ASB13: variants seen among roughly 807,000 people sequenced by gnomAD.
ASB13 encodes ankyrin repeat and SOCS box containing 13.
Under a neutral mutation model 28.8 loss-of-function variants are expected in ASB13, and 33 were observed. The ratio of observed to expected loss-of-function variants is 1.15; its 90% confidence interval spans 0.87 to 1.53. The LOEUF (loss-of-function observed/expected upper bound fraction) is 1.53. Ranked by LOEUF, ASB13 falls within the 40% of genes most tolerant of loss-of-function variation. ASB13 has a pLI of 0.00. For synonymous variants in ASB13, 182 were observed against 172.9 expected (o/e 1.05, Z -0.41); for missense variants, 414 against 390.1 (o/e 1.06, Z -0.52).
In ASB13 at chr10:5,651,269, G is replaced by T. The variant is rs1588512959; in HGVS notation, c.326C>A (p.Ala109Asp). 6.2e-7 allele frequency: 1 copy of T among 1,614,086 alleles called. No individual in the cohort carries two copies. The highest frequency in any genetic ancestry group is 8.5e-7 in the Non-Finnish European group (1 of 1,179,996). ...TGTGTACAGGGGAGGGTTGACCTTGGCCCCGTAGGACAGCAAGAGCTTCAC... is the reference window on the plus strand; with the variant it reads ...TGTGTACAGGGGAGGGTTGACCTTGTCCCCGTAGGACAGCAAGAGCTTCAC... ...ECVKLLLSYG[A>D]KVNPPLYTAS... The change falls in exon 3 of 6, where the codon GCC becomes GAC. Residue 109 changes from alanine to aspartate, a missense_variant. Coordinates refer to ENST00000357700, the MANE Select transcript of ASB13 (RefSeq NM_024701.4). This position sits in a 1 kb window ranked among gnomAD's most constrained non-coding sequence, Gnocchi z 5.1.
intron 5 of ASB13, 117 bp from the exon 6 acceptor site, chr10:5,640,947 T>A (rs1257912611): frequency 7.3e-7 from 1 of 1,376,670 alleles, no homozygotes; most frequent in Non-Finnish European, 9.9e-7. Flanking sequence ...GGAACCGGGA[T>A]GTGTCCTGTA....
chr10:5,640,536 A>T lies in ASB13; in HGVS notation c.*167T>A. The T allele has an allele frequency of 1.2e-6, 1 of 869,436 alleles. No individual in the cohort carries two copies. Among genetic ancestry groups the T allele is most frequent in the Non-Finnish European group, 1.7e-6 (1 of 578,434 alleles). The allele number at this position is 869,436 out of a possible 1,614,324, so 53.9% of individuals were successfully genotyped here. On this transcript the variant is annotated 3_prime_UTR_variant, in exon 6 of 6. Coordinates refer to ENST00000357700, the MANE Select transcript of ASB13 (RefSeq NM_024701.4). The stretch of plus-strand genomic sequence containing the variant: ...CAGGCCTTCCCAACACCCTGGAAAC[A>T]TTATCCAGGATCCAGGAGAGAAGCC...
In ASB13 at chr10:5,651,406, C is replaced by T; in HGVS notation, c.232-43G>A. ...CAAGTGTCAAAGGGCAGAGAAATGC[C>T]ACGCAACCCACTTTCCCATCCTGCT... On this transcript the variant is annotated intron_variant, in intron 2 of 5. Coordinates refer to ENST00000357700, the MANE Select transcript of ASB13 (RefSeq NM_024701.4). The surrounding 1 kb of genome is among the most constrained non-coding windows in gnomAD (Gnocchi z 5.1). The T allele has an allele frequency of 6.6e-7, 1 of 1,519,874 alleles. No individual in the cohort carries two copies. Among genetic ancestry groups the T allele is most frequent in the Non-Finnish European group, 8.9e-7 (1 of 1,127,452 alleles). 94.1% of individuals were successfully genotyped at this position (1,519,874 alleles called of 1,614,324 possible).
Position 5,645,060 on chromosome 10 carries a change from C to G in ASB13, c.518-3099G>C, listed in dbSNP as rs973164131. 4.0e-5 allele frequency among the ~76,000 whole-genome samples: 6 copies of G among 151,884 alleles called. No individual in the cohort carries two copies. The highest frequency in any genetic ancestry group is 1.5e-4 in the African/African-American group (6 of 41,346). On this transcript the variant is annotated intron_variant, in intron 4 of 5. Coordinates refer to ENST00000357700, the MANE Select transcript of ASB13 (RefSeq NM_024701.4). The surrounding 1 kb of genome is among the most constrained non-coding windows in gnomAD (Gnocchi z 5.4). ...ACTTCGTGCTTCAGAGAAAAGGGGT[C>G]AACACAGGCTCATTACCAAAATCCT...
Position 5,656,403 on chromosome 10 carries a change from G to A in ASB13, c.44-3353C>T, listed in dbSNP as rs1835077060. Among the ~76,000 whole-genome samples, 1 of 152,152 alleles carries A rather than the reference G, an allele frequency of 6.6e-6. No individual in the cohort carries two copies. Among genetic ancestry groups the A allele is most frequent in the African/African-American group, 2.4e-5 (1 of 41,428 alleles). On this transcript the variant is annotated intron_variant, in intron 1 of 5. Coordinates refer to ENST00000357700, the MANE Select transcript of ASB13 (RefSeq NM_024701.4). This position sits in a 1 kb window ranked among gnomAD's most constrained non-coding sequence, Gnocchi z 4.3. ...AAATACAAAGAATTAGCCGGCCGTG[G>A]TGGCACGTGCCTGTAATCCCAGCTA...
In ASB13 at chr10:5,649,899, C is replaced by G. The variant is rs10905895; in HGVS notation, c.383-795G>C. Among the ~76,000 whole-genome samples, 45,652 of 152,024 alleles carry G rather than the reference C, an allele frequency of 0.3. 7,197 individuals are homozygous for G. Among genetic ancestry groups the G allele is most frequent in the Middle Eastern group, 0.44 (129 of 294 alleles). ...ATTTGGAGCGGGGTTCCAGGCCCCC[C>G]ATCCTCCCGCCCCTGCACATTCCGT... is the stretch of plus-strand genomic sequence containing the variant. On this transcript the variant is annotated intron_variant, in intron 3 of 5. Coordinates refer to ENST00000357700, the MANE Select transcript of ASB13 (RefSeq NM_024701.4). This position sits in a 1 kb window ranked among gnomAD's most constrained non-coding sequence, Gnocchi z 6.4.
chr10:5,648,144 C>T (rs1834915229), intron 4 of ASB13, among the ~76,000 whole-genome samples: 1 of 151,390 alleles, frequency 6.6e-6, no homozygotes, highest in South Asian at 2.1e-4. Flanking sequence ...CTCAGGTAAA[C>T]AACCACGCGG....
In ASB13 at chr10:5,652,966, G is replaced by A. The variant is rs370196470; in HGVS notation, c.128C>T (p.Ala43Val). 5.7e-6 allele frequency: 9 copies of A among 1,567,736 alleles called. No homozygotes were observed. The highest frequency in any genetic ancestry group is 1.3e-5 in the African/African-American group (1 of 74,200). Residue 43 changes from alanine to valine, a missense_variant, in exon 2 of 6, where the codon GCC becomes GTC. By Grantham distance (64) the Ala-to-Val change is moderately conservative. Transcript: ENST00000357700. The surrounding 1 kb of genome is among the most constrained non-coding windows in gnomAD (Gnocchi z 5.0). ...LQLQQLIESG[A>V]CVNQVTVDSI... is the part of the protein sequence containing the mutation. ...GTCCACGGTGACCTGGTTCACGCAG[G>A]CGCCGCTCTCGATCAGCTGTTGCAG...
Position 5,661,588 on chromosome 10 carries a change from A to T in ASB13, c.43+4921T>A, listed in dbSNP as rs1835167162. Among the ~76,000 whole-genome samples, 1 of 151,976 alleles carries T rather than the reference A, an allele frequency of 6.6e-6. No homozygotes were observed. Among genetic ancestry groups the T allele is most frequent in the East Asian group, 1.9e-4 (1 of 5,194 alleles). ...GGGCTCACTGCAGCCTCAACCTCCT[A>T]GGTTCAAGTGATCCTCCCACCTCAG... On this transcript the variant is annotated intron_variant, in intron 1 of 5. Transcript: ENST00000357700. The surrounding 1 kb of genome is among the most constrained non-coding windows in gnomAD (Gnocchi z 4.9).
intron 1 of ASB13, 140 bp from the exon 2 acceptor site, chr10:5,653,190 C>T (rs1835017634): frequency 2.2e-6 from 2 of 929,810 alleles, no homozygotes; most frequent in Non-Finnish European, 3.1e-6. Flanking sequence ...CTACAAAGAT[C>T]CCTGAGCCAC....
In ASB13 at chr10:5,649,067, C is replaced by A. The variant is rs1834942610; in HGVS notation, c.420G>T (p.Gly140=). The stretch of plus-strand genomic sequence containing the variant: ...GGCAATCGTGCGCTTCCAGATTGGC[C>A]CCGACGTCAATAAGAAGCCTCACAC... ...SECVRLLIDV[G]ANLEAHDCHF... Residue 140 remains glycine, a synonymous_variant, in exon 4 of 6, where the codon GGG becomes GGT. Transcript: ENST00000357700. This position sits in a 1 kb window ranked among gnomAD's most constrained non-coding sequence, Gnocchi z 6.4. The A allele has an allele frequency of 6.2e-7, 1 of 1,614,244 alleles. No homozygotes were observed. The highest frequency in any genetic ancestry group is 1.3e-5 in the African/African-American group (1 of 75,068).
rs1294004830 is a variant in ASB13 at position 5,660,306 on chromosome 10, T to A, written c.43+6203A>T. ...GATACGACCTTACTGGCTAGGACCGTGTGCCAGGTGTGGACCTTTCTGGAC... is the reference window on the plus strand; with the variant it reads ...GATACGACCTTACTGGCTAGGACCGAGTGCCAGGTGTGGACCTTTCTGGAC... On this transcript the variant is annotated intron_variant, in intron 1 of 5. Coordinates refer to ENST00000357700, the MANE Select transcript of ASB13 (RefSeq NM_024701.4). This position sits in a 1 kb window ranked among gnomAD's most constrained non-coding sequence, Gnocchi z 6.1. Among the ~76,000 whole-genome samples the A allele has an allele frequency of 6.6e-6, 1 of 152,214 alleles. No homozygotes were observed. The highest frequency in any genetic ancestry group is 1.9e-4 in the East Asian group (1 of 5,188).
In ASB13 at chr10:5,660,931, C is replaced by T. The variant is rs1014901422; in HGVS notation, c.43+5578G>A. On this transcript the variant is annotated intron_variant, in intron 1 of 5. Coordinates refer to ENST00000357700, the MANE Select transcript of ASB13 (RefSeq NM_024701.4). This position sits in a 1 kb window ranked among gnomAD's most constrained non-coding sequence, Gnocchi z 6.1. ...GGGCCATCTCGCCAGCTGGCTGCTG[C>T]ACAGCCAGGTTCTGCTGGCCGGAGA... is the stretch of plus-strand genomic sequence containing the variant. Among the ~76,000 whole-genome samples, 1 of 152,258 alleles carries T rather than the reference C, an allele frequency of 6.6e-6. No homozygotes were observed. The highest frequency in any genetic ancestry group is 2.4e-5 in the African/African-American group (1 of 41,460).
Position 5,649,652 on chromosome 10 carries a change from A to T in ASB13, c.383-548T>A, listed in dbSNP as rs994569143. ...GCGATTCTCCCACCTCAGCCTCCCA[A>T]ATAGCTGGAATTACAGGCATGCACC... On this transcript the variant is annotated intron_variant, in intron 3 of 5. Coordinates refer to ENST00000357700, the MANE Select transcript of ASB13 (RefSeq NM_024701.4). The surrounding 1 kb of genome is among the most constrained non-coding windows in gnomAD (Gnocchi z 6.4). Among the ~76,000 whole-genome samples, 1 of 151,790 alleles carries T rather than the reference A, an allele frequency of 6.6e-6. No individual in the cohort carries two copies. The highest frequency in any genetic ancestry group is 6.6e-5 in the Admixed American group (1 of 15,260).
In ASB13 at chr10:5,641,767, C is replaced by T. The variant is rs1834810136; in HGVS notation, c.709+3G>A. 1.3e-6 allele frequency: 2 copies of T among 1,574,758 alleles called. No individual in the cohort carries two copies. Among genetic ancestry groups the T allele is most frequent in the Non-Finnish European group, 1.7e-6 (2 of 1,156,884 alleles). The stretch of plus-strand genomic sequence containing the variant: ...ATGGGGTGCGCTCGGTGGGGTGTCT[C>T]ACTTTCGTAGTACTCGAAGCACTTG... On this transcript the variant is annotated splice_donor_region_variant and intron_variant, in intron 5 of 5. Transcript: ENST00000357700. The surrounding 1 kb of genome is among the most constrained non-coding windows in gnomAD (Gnocchi z 8.4).
Position 5,648,964 on chromosome 10 carries a change from A to G in ASB13, c.517+6T>C. ...TAAACACCCGCTCGGGCAAACACCC[A>G]CTCACCTGCATTGAGCAGCACTTTG... On this transcript the variant is annotated splice_donor_region_variant and intron_variant, in intron 4 of 5. Coordinates refer to ENST00000357700, the MANE Select transcript of ASB13 (RefSeq NM_024701.4). 1 of 1,613,532 alleles carries G rather than the reference A, an allele frequency of 6.2e-7. No homozygotes were observed. Among genetic ancestry groups the G allele is most frequent in the Non-Finnish European group, 8.5e-7 (1 of 1,179,490 alleles).
rs192103556 is a variant in ASB13 at position 5,654,025 on chromosome 10, C to G, written c.44-975G>C. On this transcript the variant is annotated intron_variant, in intron 1 of 5. Coordinates refer to ENST00000357700, the MANE Select transcript of ASB13 (RefSeq NM_024701.4). ...GTTGAATTGCTCTGGCTAGGACTTG[C>G]AGTGCAATGTGGAACAAAAGGGGTG... Among the ~76,000 whole-genome samples, 7 of 151,514 alleles carry G rather than the reference C, an allele frequency of 4.6e-5. No homozygotes were observed. In the East Asian group the frequency reaches 1.4e-3, roughly 29 times the overall value.
chr10:5,657,378 C>A (rs922799407), intron 1 of ASB13, among the ~76,000 whole-genome samples: 1 of 151,292 alleles, frequency 6.6e-6, no homozygotes, highest in Non-Finnish European at 1.5e-5. Context: ...ACGAGTTGAA[C>A]AGACATTTCT....
rs1224067661 is a variant in ASB13, at chr10:5,662,563, G to GAACA, written c.43+3945_43+3946insTGTT. Among the ~76,000 whole-genome samples, 18 of 101,798 alleles carry GAACA rather than the reference G, an allele frequency of 1.8e-4. 2 individuals are homozygous for GAACA. The highest frequency in any genetic ancestry group is 5.9e-4 in the African/African-American group (15 of 25,342). 66.8% of individuals were successfully genotyped at this position (101,798 alleles called of 152,430 possible). ...GGGGAGGGGAGGGGAGGGGAGGGGA[G>GAACA]GGGAGAAGAGAAGAGAAGAGAAGAG... On this transcript the variant is annotated intron_variant, in intron 1 of 5. Transcript: ENST00000357700.
Sources: gnomAD v4.1 joint callset for allele counts (sites outside exome capture counted in the v4.1 genomes callset) on GRCh38, gnomAD v4.1.1 for gene constraint, Gnocchi (gnomAD v3.1) non-coding constraint, MANE v1.5 for transcripts, NCBI Gene and HGNC (gene_info 2026-07-23, HGNC 2026-07-21) for gene names.